Variants in ARHGAP8 observed in about 807,000 individuals in gnomAD.
ARHGAP8 encodes rho GTPase-activating protein 8.
In ARHGAP8, 62 loss-of-function variants were observed where a neutral mutation model predicts 46.1. That is an observed-to-expected ratio of 1.34 (90% CI 1.10 to 1.66). The LOEUF is 1.66. Among genes scored for constraint, ARHGAP8 ranks in the 40% most tolerant of loss-of-function variants. The pLI, the probability that ARHGAP8 is intolerant of heterozygous loss-of-function variation, is 0.00. For missense variants in ARHGAP8, 923 were observed against 568.4 expected (o/e 1.62, Z -6.34); for synonymous variants, 375 against 243.1 (o/e 1.54, Z -5.05).
rs1310552502 is a variant in ARHGAP8, at chr22:44,809,243, T to C, written c.299+805T>C. On this transcript the variant is annotated intron_variant, in intron 4 of 11. Transcript: ENST00000356099. ...CATTATGGACGCTGAAATGTGAATT[T>C]CATGTCATTTTCACGTGTCATGAAA... 4 of 452,858 alleles carry C rather than the reference T, an allele frequency of 8.8e-6. No individual in the cohort carries two copies. In the East Asian group the frequency reaches 2.9e-4, roughly 32 times the overall value. The allele number at this position is 452,858 out of a possible 1,614,324, so 28.1% of individuals were successfully genotyped here.
intron 1 of ARHGAP8, among the ~76,000 whole-genome samples, chr22:44,784,550 A>G (rs1465063364): frequency 3.9e-5 from 6 of 152,198 alleles, no homozygotes; most frequent in Admixed American, 3.3e-4. Context: ...ATTTTCTATC[A>G]GGGATTTGAG....
chr22:44,829,587 G>A (rs563117134), intron 7 of ARHGAP8, among the ~76,000 whole-genome samples: 11 of 152,330 alleles, frequency 7.2e-5, no homozygotes, highest in Middle Eastern at 3.4e-3. Context: ...GCCACACTGC[G>A]CGTGCAGCTT....
intron 2 of ARHGAP8, among the ~76,000 whole-genome samples, chr22:44,798,288 TTA>T: frequency 6.6e-6 from 1 of 152,176 alleles, no homozygotes; most frequent in African/African-American, 2.4e-5. Context: ...AAAAATTTTT[TTA>T]GAGACAAGGA....
intron 1 of ARHGAP8, among the ~76,000 whole-genome samples, chr22:44,777,398 A>G (rs1190438193): frequency 6.6e-6 from 1 of 151,946 alleles, no homozygotes; most frequent in African/African-American, 2.4e-5. Flanking sequence ...ATCATTCCCA[A>G]CAATAAAATC....
chr22:44,765,031 T>A (rs977283015), intron 1 of ARHGAP8, among the ~76,000 whole-genome samples: 3 of 152,180 alleles, frequency 2.0e-5, no homozygotes, highest in African/African-American at 7.2e-5. Context: ...GCTTTGTCCT[T>A]GTTTGGATGA....
chr22:44,758,739 G>A (rs972347478), intron 1 of ARHGAP8, among the ~76,000 whole-genome samples: 2 of 152,168 alleles, frequency 1.3e-5, no homozygotes, highest in Non-Finnish European at 2.9e-5. Context: ...AATGACATGA[G>A]CTCTGGAGGG....
rs374871405 is a variant in ARHGAP8, at chr22:44,817,032, C to A, written c.386+2274C>A. Among the ~76,000 whole-genome samples, 3 of 152,172 alleles carry A rather than the reference C, an allele frequency of 2.0e-5. No individual in the cohort carries two copies. The East Asian group carries it at 5.8e-4, about 30-fold the overall frequency. ...TCCCAAGTAGCTGGGATTACAGGCA[C>A]CTGCCACCACGCCTGGCTAATTTTT... is the stretch of plus-strand genomic sequence containing the variant. On this transcript the variant is annotated intron_variant, in intron 5 of 11. Transcript: ENST00000356099.
At chr22:44,821,289 G>T (rs182553992) in intron 5 of ARHGAP8, among the ~76,000 whole-genome samples, 531 of 152,168 alleles carry the variant, frequency 3.5e-3, no homozygotes, top group Middle Eastern at 0.01. Context: ...AATTAGCCAG[G>T]CGTGGTGGTG....
chr22:44,804,257 C>G (rs1232387152), intron 3 of ARHGAP8, among the ~76,000 whole-genome samples: 2 of 151,980 alleles, frequency 1.3e-5, no homozygotes, highest in African/African-American at 4.8e-5. Context: ...GCTGGCCACA[C>G]TGCTTTCATA....
intron 10 of ARHGAP8, among the ~76,000 whole-genome samples, chr22:44,851,788 A>G (rs2070100621): frequency 2.0e-5 from 3 of 152,068 alleles, no homozygotes; most frequent in Non-Finnish European, 2.9e-5. Context: ...ACAGTGAGCC[A>G]TGATCACACC....
At chr22:44,859,008 A>T (rs1170455069) in intron 10 of ARHGAP8, among the ~76,000 whole-genome samples, 3 of 151,798 alleles carry the variant, frequency 2.0e-5, no homozygotes, top group African/African-American at 7.3e-5. Context: ...GCTGTGTTCC[A>T]AGAAAACGTT....
chr22:44,812,792 A>G lies in ARHGAP8; in HGVS notation c.300-1880A>G, dbSNP rs1032599648. ...CTTAGTTGTTCATATGATGGCAGCCAATGGTGGTCTGATGAGCACTCGGCA... is the reference window on the plus strand; with the variant it reads ...CTTAGTTGTTCATATGATGGCAGCCGATGGTGGTCTGATGAGCACTCGGCA... On this transcript the variant is annotated intron_variant, in intron 4 of 11. Transcript: ENST00000356099. 3.9e-5 allele frequency among the ~76,000 whole-genome samples: 6 copies of G among 152,154 alleles called. No homozygotes were observed. In the East Asian group the frequency reaches 9.6e-4, roughly 24 times the overall value.
intron 2 of ARHGAP8, among the ~76,000 whole-genome samples, chr22:44,795,880 C>T (rs1485530221): frequency 1.3e-5 from 2 of 152,162 alleles, no homozygotes; most frequent in African/African-American, 2.4e-5. Context: ...GCACCGCAGC[C>T]CCACTTGCCC....
chr22:44,788,694 G>A lies in ARHGAP8; in HGVS notation c.79+2088G>A, dbSNP rs769385953. The stretch of plus-strand genomic sequence containing the variant: ...ATAGGTGTGAGCCACCATGCTGGCC[G>A]GTTATTATTATTTTAAATGAATAAA... On this transcript the variant is annotated intron_variant, in intron 2 of 11. Transcript: ENST00000356099. Among the ~76,000 whole-genome samples, 10 of 152,030 alleles carry A rather than the reference G, an allele frequency of 6.6e-5. 1 individual carries two copies. The highest frequency in any genetic ancestry group is 1.0e-4 in the Non-Finnish European group (7 of 68,002).
intron 1 of ARHGAP8, among the ~76,000 whole-genome samples, chr22:44,772,362 T>TTC (rs1486716257): frequency 1.4e-5 from 2 of 146,462 alleles, no homozygotes; most frequent in Non-Finnish European, 3.0e-5. Context: ...CTTTTTTTTT[T>TTC]TTTTTTAAGT....
chr22:44,793,061 A>T (rs1251349729), intron 2 of ARHGAP8, among the ~76,000 whole-genome samples: 1 of 152,022 alleles, frequency 6.6e-6, no homozygotes, highest in Admixed American at 6.6e-5. Flanking sequence ...TGACCTCGGG[A>T]TCCTCCCACC....
chr22:44,778,791 G>T (rs1016246273), intron 1 of ARHGAP8, among the ~76,000 whole-genome samples: 2 of 152,178 alleles, frequency 1.3e-5, no homozygotes, highest in Non-Finnish European at 2.9e-5. Flanking sequence ...TAGCAAAACA[G>T]CAGAAATAAC....
intron 10 of ARHGAP8, among the ~76,000 whole-genome samples, chr22:44,851,332 A>T (rs964735348): frequency 6.6e-5 from 10 of 152,378 alleles, no homozygotes; most frequent in East Asian, 5.8e-4. Context: ...AGACAGATTC[A>T]CACGAGAAAA....
chr22:44,862,393 AC>A lies in ARHGAP8; in HGVS notation c.1101del (p.Asn367LysfsTer7). 1.2e-6 allele frequency: 2 copies of A among 1,614,102 alleles called. No homozygotes were observed. The highest frequency in any genetic ancestry group is 1.7e-6 in the Non-Finnish European group (2 of 1,179,974). On this transcript the variant is annotated frameshift_variant, in exon 12 of 12. Transcript: ENST00000356099. LOFTEE classifies it low-confidence loss of function (END_TRUNC). ...VSSLSALVPLNMFTELLIEYY... is the reference protein window; with the variant it reads ...VSSLSALVPLXMFTELLIEYY... ...TCCCTGAGTGCCCTTGTGCCCCTGA[AC>A]ATGTTCACTGAACTGCTGATCGAGT...
Sources: gnomAD v4.1 joint callset for allele counts (sites outside exome capture counted in the v4.1 genomes callset) on GRCh38, gnomAD v4.1.1 for gene constraint, MANE v1.5 for transcripts, NCBI Gene and HGNC (gene_info 2026-07-23, HGNC 2026-07-21) for gene names.